LINGO2: variants seen among roughly 807,000 people sequenced by gnomAD.
LINGO2 encodes leucine rich repeat and Ig domain containing 2.
A neutral mutation model predicts 30.6 loss-of-function variants in LINGO2; 14 were observed. The ratio of observed to expected loss-of-function variants is 0.46; its 90% CI spans 0.30 to 0.72. LINGO2 has a LOEUF of 0.72. Among genes scored for constraint, LINGO2 ranks in the 30% least tolerant of loss-of-function variants. The pLI, the probability that LINGO2 is intolerant of heterozygous loss-of-function variation, is 0.07. For missense variants in LINGO2, 729 were observed against 751.7 expected (o/e 0.97, Z 0.35); for synonymous variants, 317 against 288.5 (o/e 1.10, Z -1.00).
the LINGO2 span, among the ~76,000 whole-genome samples, chr9:28,901,703 G>A: frequency 1.3e-5 from 2 of 150,668 alleles, no homozygotes; most frequent in African/African-American, 4.9e-5. Context: ...ACCTATACTA[G>A]ATAAACCATG....
intron 1 of LINGO2, among the ~76,000 whole-genome samples, chr9:28,495,838 C>T (rs1414443276): frequency 2.6e-5 from 4 of 152,070 alleles, no homozygotes; most frequent in African/African-American, 9.7e-5. Context: ...AAATGTGTCC[C>T]AGAGATTCTG....
At chr9:28,025,505 T>A (rs878970585) in intron 4 of LINGO2, among the ~76,000 whole-genome samples, 1 of 152,208 alleles carries the variant, frequency 6.6e-6, no homozygotes, top group African/African-American at 2.4e-5. Flanking sequence ...GAGAGGCCTG[T>A]ATTTAATGAA....
At chr9:29,190,376 G>C in the LINGO2 span, among the ~76,000 whole-genome samples, 2 of 152,084 alleles carry the variant, frequency 1.3e-5, no homozygotes, top group African/African-American at 4.8e-5. Context: ...AAGCTGACTT[G>C]TTTATACCCA....
chr9:29,148,076 A>G, the LINGO2 span, among the ~76,000 whole-genome samples: 14 of 152,134 alleles, frequency 9.2e-5, no homozygotes, highest in Admixed American at 2.6e-4. Context: ...ACATATTAAT[A>G]TTAATGGCAT....
intron 1 of LINGO2, among the ~76,000 whole-genome samples, chr9:28,552,740 A>AATTTT (rs1229684495): frequency 4.7e-5 from 7 of 148,256 alleles, no homozygotes; most frequent in Non-Finnish European, 9.0e-5. Flanking sequence ...TGGGTTCCCT[A>AATTTT]ATTTTATTTT....
chr9:28,527,915 A>T (rs1363398971), intron 1 of LINGO2, among the ~76,000 whole-genome samples: 2 of 152,288 alleles, frequency 1.3e-5, no homozygotes, highest in East Asian at 3.9e-4. Context: ...AGGGCTTTTA[A>T]ACCTTACTGA....
At chr9:28,078,217 A>G (rs951935247) in intron 4 of LINGO2, among the ~76,000 whole-genome samples, 3 of 149,116 alleles carry the variant, frequency 2.0e-5, no homozygotes, top group Non-Finnish European at 4.4e-5. Flanking sequence ...TTGAAGCCCA[A>G]CAAGATGAGT....
chr9:28,353,159 A>C (rs1253119204), intron 3 of LINGO2, among the ~76,000 whole-genome samples: 70 of 134,486 alleles, frequency 5.2e-4, no homozygotes, highest in East Asian at 1.8e-3. Context: ...AATGGGATCT[A>C]ATTAAACTAA....
At chr9:28,136,790 T>C (rs953108645) in intron 4 of LINGO2, among the ~76,000 whole-genome samples, 3 of 152,188 alleles carry the variant, frequency 2.0e-5, no homozygotes, top group African/African-American at 4.8e-5. Flanking sequence ...TAAGCATTAT[T>C]CTGGGTGTGT....
chr9:28,028,734 T>G (rs1166212182), intron 4 of LINGO2, among the ~76,000 whole-genome samples: 2 of 152,166 alleles, frequency 1.3e-5, no homozygotes, highest in Admixed American at 1.3e-4. Flanking sequence ...ATATTGTATT[T>G]GTGTTTTTTG....
At chr9:28,931,465 G>C in the LINGO2 span, among the ~76,000 whole-genome samples, 1 of 152,144 alleles carries the variant, frequency 6.6e-6, no homozygotes, top group Non-Finnish European at 1.5e-5. Flanking sequence ...CCTTCAGACA[G>C]TTTTGCATTG....
At chr9:28,172,027 A>AC (rs919720371) in intron 4 of LINGO2, among the ~76,000 whole-genome samples, 82 of 90,382 alleles carry the variant, frequency 9.1e-4, no homozygotes, top group African/African-American at 3.8e-3. Context: ...AAAAAAAAAA[A>AC]AAAAAACAAA....
At chr9:28,561,978 AAAAC>A (rs944996819) in intron 1 of LINGO2, among the ~76,000 whole-genome samples, 21 of 151,582 alleles carry the variant, frequency 1.4e-4, no homozygotes, top group Non-Finnish European at 2.5e-4. Context: ...TTTTAAACTG[AAAAC>A]AAACAAAAAC....
At chr9:28,871,253 A>G in the LINGO2 span, among the ~76,000 whole-genome samples, 1 of 151,644 alleles carries the variant, frequency 6.6e-6, no homozygotes, top group Non-Finnish European at 1.5e-5. Context: ...AATACAGCAA[A>G]TCTATATGAA....
At chr9:28,969,474 A>G in the LINGO2 span, among the ~76,000 whole-genome samples, 1 of 152,242 alleles carries the variant, frequency 6.6e-6, no homozygotes, top group East Asian at 1.9e-4. Context: ...TTGGCTTTTG[A>G]GCTGAAGAGA....
chr9:29,119,658 T>C, the LINGO2 span, among the ~76,000 whole-genome samples: 1 of 143,472 alleles, frequency 7.0e-6, no homozygotes, highest in Non-Finnish European at 1.5e-5. Context: ...CTGTCTTGGC[T>C]CACTACAACT....
At chr9:29,078,619 G>A in the LINGO2 span, among the ~76,000 whole-genome samples, 4 of 151,892 alleles carry the variant, frequency 2.6e-5, no homozygotes, top group Admixed American at 6.6e-5. Context: ...AGTTCTCAAA[G>A]TGTGTTTCAT....
the LINGO2 span, among the ~76,000 whole-genome samples, chr9:28,679,181 G>A: frequency 2.0e-5 from 3 of 151,938 alleles, no homozygotes; most frequent in African/African-American, 7.2e-5. Flanking sequence ...GGTTGTTAGT[G>A]AGTACAAAAA....
At chr9:28,441,451 C>T (rs1181262400) in intron 2 of LINGO2, among the ~76,000 whole-genome samples, 1 of 151,788 alleles carries the variant, frequency 6.6e-6, no homozygotes, top group African/African-American at 2.4e-5. Context: ...GCCCATACTT[C>T]ATGTTAGTTC....
Sources: allele counts gnomAD v4.1 joint callset (sites outside exome capture counted in the v4.1 genomes callset), GRCh38; gene constraint gnomAD v4.1.1; transcripts MANE v1.5; gene names NCBI Gene and HGNC (gene_info 2026-07-23, HGNC 2026-07-21).